Variants in PIK3CB observed in about 807,000 individuals in gnomAD.
PIK3CB encodes the protein phosphatidylinositol 4,5-bisphosphate 3-kinase catalytic subunit beta isoform.
A neutral mutation model predicts 136.8 loss-of-function variants in PIK3CB; 39 were observed. The observed-to-expected ratio is 0.29, with a 90% confidence interval of 0.22 to 0.37. The LOEUF is 0.37. PIK3CB is among the 10% of genes least tolerant of loss of function. The pLI is 1.00. For synonymous variants in PIK3CB, 428 were observed against 436.6 expected, an observed-to-expected ratio of 0.98 and a Z score of 0.25; for missense variants, 868 against 1,275.4, an observed-to-expected ratio of 0.68 and a Z score of 4.87.
rs570801346 is a variant in PIK3CB, at chr3:138,740,085, C to G, written c.622-2199G>C. ...AGAATTGTGAGAAACAGGCCAGGTG[C>G]AGTGGCTCACACCTGTAATCCCAGC... On this transcript the variant is annotated intron_variant, in intron 5 of 23. Coordinates refer to ENST00000674063, the MANE Select transcript of PIK3CB (RefSeq NM_006219.3). 1.3e-4 allele frequency among the ~76,000 whole-genome samples: 19 copies of G among 151,820 alleles called. No homozygotes were observed. The East Asian group carries it at 3.3e-3, about 27-fold the overall frequency.
chr3:138,726,408 A>T (rs112081956), intron 8 of PIK3CB, among the ~76,000 whole-genome samples: 30 of 152,168 alleles, frequency 2.0e-4, no homozygotes, highest in African/African-American at 6.7e-4. Context: ...GGAAGGGGAG[A>T]CTTACTCCAT....
chr3:138,828,570 T>C (rs1455256722), intron 1 of PIK3CB, among the ~76,000 whole-genome samples: 1 of 151,954 alleles, frequency 6.6e-6, no homozygotes, highest in African/African-American at 2.4e-5. Context: ...AAGCTTATAT[T>C]ATATTGGAGG....
chr3:138,714,245 TAGA>T (rs2044562964), intron 9 of PIK3CB, among the ~76,000 whole-genome samples: 1 of 152,048 alleles, frequency 6.6e-6, no homozygotes, highest in Non-Finnish European at 1.5e-5. Context: ...AAATCCATGG[TAGA>T]AGGAGCAAGA....
At chr3:138,751,181 G>A (rs1291041607) in intron 4 of PIK3CB, among the ~76,000 whole-genome samples, 13 of 152,096 alleles carry the variant, frequency 8.5e-5, no homozygotes, top group African/African-American at 2.4e-4. Flanking sequence ...ATTTTAGGCC[G>A]GGCGCAGTAG....
In PIK3CB at chr3:138,654,917, G is replaced by T. The variant is rs2043166732; in HGVS notation, c.*472C>A. On this transcript the variant is annotated 3_prime_UTR_variant, in exon 24 of 24. Coordinates refer to ENST00000674063, the MANE Select transcript of PIK3CB (RefSeq NM_006219.3). Reference sequence around the variant, plus strand: ...ATAAATTCAAATTATATTATAATTTGCAGTTTACACAATTTTAAAAGGGAA... The same window carrying T: ...ATAAATTCAAATTATATTATAATTTTCAGTTTACACAATTTTAAAAGGGAA... 1 of 213,522 alleles carries T rather than the reference G, an allele frequency of 4.7e-6. No homozygotes were observed. The allele number at this position is 213,522 out of a possible 1,614,324, so 13.2% of individuals were successfully genotyped here.
At chr3:138,737,420 A>G (rs1455389873) in intron 6 of PIK3CB, among the ~76,000 whole-genome samples, 1 of 149,310 alleles carries the variant, frequency 6.7e-6, no homozygotes, top group African/African-American at 2.4e-5. Context: ...AAAAAAAAAA[A>G]AAGCAAAGCA....
chr3:138,717,619 T>A (rs1352009451), intron 8 of PIK3CB, among the ~76,000 whole-genome samples: 1 of 152,168 alleles, frequency 6.6e-6, no homozygotes, highest in Non-Finnish European at 1.5e-5. Flanking sequence ...GTTTGTTGTA[T>A]AGATTATTTC....
chr3:138,772,409 T>C (rs567704383), intron 2 of PIK3CB, among the ~76,000 whole-genome samples: 1 of 152,232 alleles, frequency 6.6e-6, no homozygotes, highest in East Asian at 1.9e-4. Flanking sequence ...AGGAAGGACT[T>C]AGGTTAGAAC....
chr3:138,821,474 A>G (rs1405579415), intron 1 of PIK3CB, among the ~76,000 whole-genome samples: 2 of 151,612 alleles, frequency 1.3e-5, no homozygotes, highest in Non-Finnish European at 2.9e-5. Context: ...TAAAACCCAG[A>G]AGCTCCTCAG....
chr3:138,690,636 A>G lies in PIK3CB; in HGVS notation c.2036+364T>C, dbSNP rs185868154. On this transcript the variant is annotated intron_variant, in intron 15 of 23. Coordinates refer to ENST00000674063, the MANE Select transcript of PIK3CB (RefSeq NM_006219.3). ...ATAAATAGGTCTGCATTGAGCCCAA[A>G]TATATTAAGACAATAAGTACACTTT... is the stretch of plus-strand genomic sequence containing the variant. 1.8e-3 allele frequency among the ~76,000 whole-genome samples: 268 copies of G among 152,126 alleles called. 2 individuals carry two copies. Among genetic ancestry groups the G allele is most frequent in the Middle Eastern group, 6.8e-3 (2 of 294 alleles).
At chr3:138,810,898 C>T (rs986772441) in intron 1 of PIK3CB, among the ~76,000 whole-genome samples, 5 of 150,556 alleles carry the variant, frequency 3.3e-5, no homozygotes, top group South Asian at 4.2e-4. Flanking sequence ...CCAGCCTAGG[C>T]GACAGAGCGA....
chr3:138,831,403 G>A (rs1934033277), intron 1 of PIK3CB, among the ~76,000 whole-genome samples: 1 of 148,484 alleles, frequency 6.7e-6, no homozygotes, highest in African/African-American at 2.5e-5. Context: ...GACCAGCCTG[G>A]CCAACATGGA....
rs1462149550 is a variant in PIK3CB, at chr3:138,751,970, AT to A, written c.397+3783del. ...TGGGCAACAAAGTGAGACTCTGTAT[AT>A]AAAAAAAAAAAAAAAAAAAAATCCT... On this transcript the variant is annotated intron_variant, in intron 4 of 23. Coordinates refer to ENST00000674063, the MANE Select transcript of PIK3CB (RefSeq NM_006219.3). 8.8e-4 allele frequency among the ~76,000 whole-genome samples: 82 copies of A among 93,284 alleles called. No homozygotes were observed. The East Asian group carries it at 0.046, about 53-fold the overall frequency. 61.2% of individuals were successfully genotyped at this position (93,284 alleles called of 152,430 possible).
chr3:138,778,745 T>C, intron 2 of PIK3CB: 1 of 270,800 alleles, frequency 3.7e-6, no homozygotes, highest in Non-Finnish European at 7.4e-6. Flanking sequence ...CAAGCTCATT[T>C]CCTGGTATGA....
intron 4 of PIK3CB, among the ~76,000 whole-genome samples, chr3:138,745,597 C>T (rs550733754): frequency 2.6e-5 from 4 of 152,212 alleles, no homozygotes; most frequent in Admixed American, 2.0e-4. Flanking sequence ...CGCACCCCTG[C>T]ACTGCAGCCT....
intron 2 of PIK3CB, among the ~76,000 whole-genome samples, chr3:138,769,284 G>T (rs573134978): frequency 2.9e-4 from 44 of 152,312 alleles, no homozygotes; most frequent in African/African-American, 9.6e-4. Context: ...AGATATAATT[G>T]TAGCCTATAT....
chr3:138,820,359 C>T (rs1033325912), intron 1 of PIK3CB, among the ~76,000 whole-genome samples: 1 of 152,188 alleles, frequency 6.6e-6, no homozygotes, highest in African/African-American at 2.4e-5. Flanking sequence ...TATTACATTA[C>T]TCATTAATAG....
chr3:138,832,325 G>C (rs765823850), intron 1 of PIK3CB, among the ~76,000 whole-genome samples: 1 of 152,070 alleles, frequency 6.6e-6, no homozygotes, highest in Non-Finnish European at 1.5e-5. Flanking sequence ...TGTGAATCAG[G>C]GGTGTAAATT....
chr3:138,683,587 C>T (rs2043824545), intron 18 of PIK3CB, 91 bp downstream of exon 18: 2 of 740,174 alleles, frequency 2.7e-6, no homozygotes, highest in Admixed American at 1.9e-5. Flanking sequence ...AATTGTTACA[C>T]ACTTACACTA....
Sources: gnomAD v4.1 joint callset for allele counts (sites outside exome capture counted in the v4.1 genomes callset) on GRCh38, gnomAD v4.1.1 for gene constraint, MANE v1.5 for transcripts, NCBI Gene and HGNC (gene_info 2026-07-23, HGNC 2026-07-21) for gene names.